Variants in NKAIN3 observed in about 807,000 individuals in gnomAD.
The protein encoded by NKAIN3 is sodium/potassium-transporting ATPase subunit beta-1-interacting protein 3.
A neutral mutation model predicts 30.2 loss-of-function variants in NKAIN3; 25 were observed. The ratio of observed to expected loss-of-function variants is 0.83; its 90% confidence interval spans 0.60 to 1.16. The LOEUF is 1.16. NKAIN3 is among the 50% of genes most tolerant of loss of function. The pLI is 0.00. For missense variants in NKAIN3, 225 were observed against 254.1 expected (o/e 0.89, Z 0.78); for synonymous variants, 91 against 89.6 (o/e 1.02, Z -0.09).
chr8:62,704,953 C>G (rs1230817727), intron 3 of NKAIN3, among the ~76,000 whole-genome samples: 1 of 152,046 alleles, frequency 6.6e-6, no homozygotes. Flanking sequence ...TTTGTGTTTT[C>G]TTTAGGAGGG....
At chr8:62,855,310 C>G (rs1820030426) in intron 4 of NKAIN3, 2 of 555,158 alleles carry the variant, frequency 3.6e-6, no homozygotes, top group Non-Finnish European at 6.7e-6. Context: ...CTGGTCAGGC[C>G]TGGAAGTGCT....
At chr8:62,646,023 A>T (rs115774826) in intron 3 of NKAIN3, among the ~76,000 whole-genome samples, 3 of 151,988 alleles carry the variant, frequency 2.0e-5, no homozygotes, top group African/African-American at 7.2e-5. Flanking sequence ...TTTGAAATAC[A>T]TACCAAAATC....
At chr8:62,281,395 A>C (rs1027295992) in intron 1 of NKAIN3, among the ~76,000 whole-genome samples, 2 of 151,730 alleles carry the variant, frequency 1.3e-5, no homozygotes, top group Admixed American at 6.6e-5. Flanking sequence ...CTCTGATCTT[A>C]GTTATTTCTT....
intron 1 of NKAIN3, among the ~76,000 whole-genome samples, chr8:62,289,190 G>A (rs1440239799): frequency 3.9e-5 from 6 of 152,134 alleles, no homozygotes; most frequent in Admixed American, 2.0e-4. Context: ...CATTCTGTAG[G>A]TTGCCTGTTC....
intron 4 of NKAIN3, among the ~76,000 whole-genome samples, chr8:62,793,216 CA>C: frequency 6.6e-6 from 1 of 152,046 alleles, no homozygotes; most frequent in South Asian, 2.1e-4. Flanking sequence ...AAAGCACTCC[CA>C]AAAGTCCAAG....
At chr8:62,336,743 C>T (rs576370869) in intron 1 of NKAIN3, among the ~76,000 whole-genome samples, 25 of 152,128 alleles carry the variant, frequency 1.6e-4, no homozygotes, top group African/African-American at 6.0e-4. Context: ...GACTAAAAAA[C>T]AGCCTGAGCT....
intron 3 of NKAIN3, among the ~76,000 whole-genome samples, chr8:62,657,994 C>G (rs923292606): frequency 6.6e-6 from 1 of 152,150 alleles, no homozygotes; most frequent in African/African-American, 2.4e-5. Context: ...GAGTGCAGAT[C>G]TCTCGCTTTA....
chr8:62,474,135 A>G (rs1398338484), intron 1 of NKAIN3: 1 of 152,206 alleles, frequency 6.6e-6, no homozygotes, highest in Non-Finnish European at 1.5e-5. Flanking sequence ...CCCACTTTCA[A>G]TTAGGATACA....
chr8:62,866,394 A>T (rs988702430), intron 4 of NKAIN3, among the ~76,000 whole-genome samples: 1 of 152,202 alleles, frequency 6.6e-6, no homozygotes, highest in African/African-American at 2.4e-5. Flanking sequence ...GGCTACAACA[A>T]ATTTTAGCAG....
intron 1 of NKAIN3, among the ~76,000 whole-genome samples, chr8:62,454,286 A>G (rs1401353066): frequency 6.9e-6 from 1 of 145,724 alleles, no homozygotes; most frequent in Non-Finnish European, 1.5e-5. Flanking sequence ...ACCAACACTA[A>G]CAATAGCTGA....
intron 1 of NKAIN3, among the ~76,000 whole-genome samples, chr8:62,527,845 A>G (rs1808353808): frequency 6.6e-6 from 1 of 150,744 alleles, no homozygotes; most frequent in Non-Finnish European, 1.5e-5. Context: ...TATCAATATG[A>G]AATTTGTTGC....
chr8:62,855,688 A>G, intron 4 of NKAIN3: 1 of 1,601,772 alleles, frequency 6.2e-7, no homozygotes, highest in Non-Finnish European at 8.5e-7. Context: ...CAAAGCTGTC[A>G]CTTCTGCATG....
intron 1 of NKAIN3, among the ~76,000 whole-genome samples, chr8:62,491,111 T>C (rs1807054283): frequency 6.6e-6 from 1 of 152,160 alleles, no homozygotes; most frequent in Admixed American, 6.5e-5. Flanking sequence ...TTGTGTCATA[T>C]GGAAGGAGAA....
chr8:62,808,990 C>T (rs564934824), intron 4 of NKAIN3, among the ~76,000 whole-genome samples: 1 of 152,062 alleles, frequency 6.6e-6, no homozygotes, highest in Non-Finnish European at 1.5e-5. Context: ...CCCAGAGTGG[C>T]CATTTTAGAG....
At chr8:62,463,659 T>C (rs1255064799) in intron 1 of NKAIN3, among the ~76,000 whole-genome samples, 1 of 152,172 alleles carries the variant, frequency 6.6e-6, no homozygotes, top group Non-Finnish European at 1.5e-5. Flanking sequence ...GTATTTGTTG[T>C]ATATATCGTA....
At chr8:62,468,363 G>A (rs1193428510) in intron 1 of NKAIN3, among the ~76,000 whole-genome samples, 1 of 152,184 alleles carries the variant, frequency 6.6e-6, no homozygotes, top group Non-Finnish European at 1.5e-5. Context: ...TCTAGATCAA[G>A]GAAGATAAGT....
At chr8:62,577,478 G>GTTTTTTTTTTTGTTTTTTTTTTTGT (rs1810149745) in intron 1 of NKAIN3, among the ~76,000 whole-genome samples, 1 of 121,576 alleles carries the variant, frequency 8.2e-6, no homozygotes, top group Non-Finnish European at 1.8e-5. Context: ...TTTTTTTTTG[G>GTTTTTTTTTTTGTTTTTTTTTTTGT]TTTTTTTTTT....
chr8:62,940,317 C>G (rs1204013411), intron 5 of NKAIN3, among the ~76,000 whole-genome samples: 1 of 151,946 alleles, frequency 6.6e-6, no homozygotes, highest in African/African-American at 2.4e-5. Flanking sequence ...ACAATAATGG[C>G]AGGGGACTTC....
chr8:62,644,458 A>T (rs1364680897), intron 3 of NKAIN3, among the ~76,000 whole-genome samples: 1 of 152,066 alleles, frequency 6.6e-6, no homozygotes, highest in Non-Finnish European at 1.5e-5. Context: ...TTTCAAAATG[A>T]CACTTTTAGA....
Sources: gnomAD v4.1 joint callset for allele counts (sites outside exome capture counted in the v4.1 genomes callset) on GRCh38, gnomAD v4.1.1 for gene constraint, MANE v1.5 for transcripts, NCBI Gene and HGNC (gene_info 2026-07-23, HGNC 2026-07-21) for gene names.